The following NR2F2 variants were observed in gnomAD, a reference collection of about 807,000 sequenced individuals.
NR2F2 encodes nuclear receptor subfamily 2 group F member 2, also known as COUP transcription factor 2.
Under a neutral mutation model 34.8 loss-of-function variants are expected in NR2F2, and 2 were observed. The observed-to-expected ratio is 0.06, with a 90% CI of 0.02 to 0.18. The LOEUF (loss-of-function observed/expected upper bound fraction) is 0.18, where lower values mean the gene tolerates loss of function less well. NR2F2 is among the 10% of genes least tolerant of loss of function. The pLI is 1.00. For synonymous variants in NR2F2, 274 were observed against 251.8 expected (o/e 1.09, Z -0.84); for missense variants, 300 against 580.1 (o/e 0.52, Z 4.96).
chr15:96,334,036 C>T, intron 1 of NR2F2, 40 bp from the exon 2 acceptor site: 1 of 1,584,476 alleles, frequency 6.3e-7, no homozygotes, highest in East Asian at 2.2e-5. Flanking sequence ...GGGACTGAGG[C>T]TGGTCATTAA....
chr15:96,335,142 A>G (rs1899285848), intron 2 of NR2F2, among the ~76,000 whole-genome samples: 1 of 152,274 alleles, frequency 6.6e-6, no homozygotes, highest in African/African-American at 2.4e-5. Flanking sequence ...AATAATGCAG[A>G]CTGCCAGGAG....
chr15:96,333,736 G>C, intron 1 of NR2F2: 6 of 1,298,940 alleles, frequency 4.6e-6, no homozygotes, highest in Non-Finnish European at 5.9e-6. Context: ...AATATCAGCT[G>C]TTTAGCAGTA....
chr15:96,328,809 CAGCTTTAGTGAAATACGT>C (rs1176628669), upstream of NR2F2, among the ~76,000 whole-genome samples: 1 of 150,072 alleles, frequency 6.7e-6, no homozygotes, highest in Non-Finnish European at 1.5e-5. Context: ...CGAGAACCTG[CAGCTTTAGTGAAATACGT>C]GATTTCATCG....
Position 96,333,948 on chromosome 15 carries a change from G to T in NR2F2, c.443-128G>T. 4 of 1,502,500 alleles carry T rather than the reference G, an allele frequency of 2.7e-6. No individual in the cohort carries two copies. In the Admixed American group the frequency reaches 8.8e-5, roughly 33 times the overall value. The allele number at this position is 1,502,500 out of a possible 1,614,324, so 93.1% of individuals were successfully genotyped here. ...GCCTGGCGACTCCAGCTCTGTGGCA[G>T]GCCTGCCTGGTTCTTGCGCTGCTCA... On this transcript the variant is annotated intron_variant, in intron 1 of 2. Transcript: ENST00000394166.
upstream of NR2F2, among the ~76,000 whole-genome samples, chr15:96,329,464 GT>G (rs1451952004): frequency 2.3e-4 from 35 of 152,294 alleles, no homozygotes; most frequent in African/African-American, 8.2e-4. Flanking sequence ...TTTGGTTCTT[GT>G]GACCTGTACT....
At chr15:96,332,696 C>T in intron 1 of NR2F2, 149 bp downstream of exon 1, 3 of 1,431,308 alleles carry the variant, frequency 2.1e-6, no homozygotes, top group South Asian at 1.5e-5. Flanking sequence ...GCGAGTTCTG[C>T]ATTGGAACCC....
At chr15:96,327,281 C>A (rs527782254), upstream of NR2F2, 1 of 152,150 alleles carries the variant, frequency 6.6e-6, no homozygotes, top group African/African-American at 2.4e-5. Context: ...AATTTTAAAT[C>A]CTGAAGAATT....
In NR2F2 at chr15:96,330,778, T is replaced by G; in HGVS notation, c.-1328T>G. On this transcript the variant is annotated 5_prime_UTR_variant, in exon 1 of 3. Coordinates refer to ENST00000394166, the MANE Select transcript of NR2F2 (RefSeq NM_021005.4). ...CCCCCTTTTTAGCATATTTGATCACTTTGATTCTCTGTTCTTTTCTCTCCG... is the reference window on the plus strand; with the variant it reads ...CCCCCTTTTTAGCATATTTGATCACGTTGATTCTCTGTTCTTTTCTCTCCG... The G allele has an allele frequency of 2.1e-6, 2 of 952,808 alleles. No individual in the cohort carries two copies. Among genetic ancestry groups the G allele is most frequent in the Non-Finnish European group, 2.6e-6 (2 of 769,938 alleles). The allele number at this position is 952,808 out of a possible 1,614,324, so 59.0% of individuals were successfully genotyped here.
In NR2F2 at chr15:96,332,210, C is replaced by A; in HGVS notation, c.105C>A (p.Gly35=). Residue 35 remains glycine (G), a synonymous_variant, in exon 1 of 3, where the codon GGC becomes GGA. Coordinates refer to ENST00000394166, the MANE Select transcript of NR2F2 (RefSeq NM_021005.4). ...QAPPVPGPPP[G]APHTPQTPGQ... ...CGCCCGTGCCCGGCCCGCCGCCCGG[C>A]GCCCCGCACACGCCACAGACGCCCG... is the stretch of plus-strand genomic sequence containing the variant. The A allele has an allele frequency of 7.3e-7, 1 of 1,365,680 alleles. No homozygotes were observed. The highest frequency in any genetic ancestry group is 1.8e-5 in the South Asian group (1 of 54,702). 84.6% of individuals were successfully genotyped at this position (1,365,680 alleles called of 1,614,324 possible). A position where few individuals can be genotyped will look rare whatever the true frequency, so the allele number is the denominator to read the frequency against.
upstream of NR2F2, chr15:96,326,923 T>C (rs1899005257): frequency 6.5e-6 from 1 of 152,994 alleles, no homozygotes; most frequent in African/African-American, 2.4e-5. This position sits in a 1 kb window ranked among gnomAD's most constrained non-coding sequence, Gnocchi z 5.5. Context: ...TCGGTTAAGC[T>C]AGGAGGAGAA....
At chr15:96,334,910 TCCTGAGCCCAGGCCCCCCGGG>T (rs1288136715) in intron 2 of NR2F2, among the ~76,000 whole-genome samples, 1 of 152,212 alleles carries the variant, frequency 6.6e-6, no homozygotes, top group Non-Finnish European at 1.5e-5. Context: ...CTGCTCCCTT[TCCTGAGCCCAGGCCCCCCGGG>T]CCTGCTGGGC....
At chr15:96,329,802 A>G (rs1314061972), upstream of NR2F2, among the ~76,000 whole-genome samples, 2 of 152,094 alleles carry the variant, frequency 1.3e-5, no homozygotes, top group Admixed American at 6.5e-5. Flanking sequence ...GAGAGAGGGT[A>G]AAGTTGAGGA....
rs1189896335 is a variant in NR2F2, at chr15:96,337,694, C to T, written c.*72C>T. The T allele has an allele frequency of 1.4e-6, 2 of 1,471,844 alleles. No individual in the cohort carries two copies. Among genetic ancestry groups the T allele is most frequent in the Non-Finnish European group, 1.8e-6 (2 of 1,086,714 alleles). The allele number at this position is 1,471,844 out of a possible 1,614,324, so 91.2% of individuals were successfully genotyped here. ...AAGACTGGTTTGTTTGCTTAATTTC[C>T]TTCTGTTAAGAAAGGATATAAAAGG... On this transcript the variant is annotated 3_prime_UTR_variant, in exon 3 of 3. Transcript: ENST00000394166.
chr15:96,333,661 T>A, intron 1 of NR2F2: 1 of 1,085,602 alleles, frequency 9.2e-7, no homozygotes, highest in Non-Finnish European at 1.1e-6. Flanking sequence ...TCGTGCCTTT[T>A]GCAAAAGCGC....
chr15:96,326,324 G>T, upstream of NR2F2: 1 of 1,613,726 alleles, frequency 6.2e-7, no homozygotes, highest in Non-Finnish European at 8.5e-7. The surrounding 1 kb of genome is among the most constrained non-coding windows in gnomAD (Gnocchi z 5.5). Flanking sequence ...AAGCGGTTTG[G>T]GACCTTGAAC....
rs1450145971 is a variant in NR2F2 at position 96,331,309 on chromosome 15, G to A, written c.-797G>A. 1.4e-5 allele frequency: 16 copies of A among 1,141,658 alleles called. No homozygotes were observed. The African/African-American group carries it at 1.6e-4, about 12-fold the overall frequency. The allele number at this position is 1,141,658 out of a possible 1,614,324, so 70.7% of individuals were successfully genotyped here. Reference sequence around the variant, plus strand: ...CGGCGGCGGCGGCGGCCCAGCGCCAGGACGACGCCGCGCAGCGCCCGACGC... The same window carrying A: ...CGGCGGCGGCGGCGGCCCAGCGCCAAGACGACGCCGCGCAGCGCCCGACGC... On this transcript the variant is annotated 5_prime_UTR_variant, in exon 1 of 3. Coordinates refer to ENST00000394166, the MANE Select transcript of NR2F2 (RefSeq NM_021005.4).
chr15:96,329,168 C>T (rs1355390124), upstream of NR2F2, among the ~76,000 whole-genome samples: 1 of 151,828 alleles, frequency 6.6e-6, no homozygotes, highest in Admixed American at 6.6e-5. Flanking sequence ...GGTTGGTTTA[C>T]CGGCATGAGG....
rs879036736 is a variant in NR2F2 at position 96,331,915 on chromosome 15, A to G, written c.-191A>G. ...ATCGACAAAACTTTGCAAAAGCAAA[A>G]ACAAAAAAGGAAAAACTAACCAACC... is the stretch of plus-strand genomic sequence containing the variant. On this transcript the variant is annotated 5_prime_UTR_variant, in exon 1 of 3. Coordinates refer to ENST00000394166, the MANE Select transcript of NR2F2 (RefSeq NM_021005.4). 9 of 1,208,780 alleles carry G rather than the reference A, an allele frequency of 7.4e-6. No individual in the cohort carries two copies. The South Asian group carries it at 2.5e-4, about 34-fold the overall frequency. The allele number at this position is 1,208,780 out of a possible 1,614,324, so 74.9% of individuals were successfully genotyped here. A position where few individuals can be genotyped will look rare whatever the true frequency, so the allele number is the denominator to read the frequency against.
At chr15:96,326,309 G>C (rs1898981676), upstream of NR2F2, 5 of 1,613,488 alleles carry the variant, frequency 3.1e-6, no homozygotes, top group African/African-American at 1.3e-5. The surrounding 1 kb of genome is among the most constrained non-coding windows in gnomAD (Gnocchi z 5.5). Context: ...TTAGGAGGAA[G>C]ATGCAAGCGG....
Sources: gnomAD v4.1 joint callset for allele counts (sites outside exome capture counted in the v4.1 genomes callset) on GRCh38, gnomAD v4.1.1 for gene constraint, Gnocchi (gnomAD v3.1) non-coding constraint, MANE v1.5 for transcripts, NCBI Gene and HGNC (gene_info 2026-07-23, HGNC 2026-07-21) for gene names.